Variants in CALN1 observed in about 807,000 individuals in gnomAD.
CALN1 encodes the protein calcium-binding protein 8.
Under a neutral mutation model 30.6 loss-of-function variants are expected in CALN1, and 17 were observed. That is an observed-to-expected ratio of 0.56 (90% CI 0.38 to 0.83). The LOEUF (loss-of-function observed/expected upper bound fraction) is 0.83, where lower values mean the gene tolerates loss of function less well. CALN1 is among the 40% of genes least tolerant of loss of function. CALN1 has a pLI of 0.00. For missense variants in CALN1, 291 were observed against 354.9 expected (o/e 0.82, Z 1.45); for synonymous variants, 156 against 131.4 (o/e 1.19, Z -1.28).
At chr7:72,485,100 T>C in the CALN1 span, among the ~76,000 whole-genome samples, 1 of 152,154 alleles carries the variant, frequency 6.6e-6, no homozygotes, top group Non-Finnish European at 1.5e-5. Flanking sequence ...AAAAAATTTT[T>C]TTTAATTACC....
At chr7:71,803,310 T>C (rs1399952065) in intron 6 of CALN1, among the ~76,000 whole-genome samples, 1 of 152,110 alleles carries the variant, frequency 6.6e-6, no homozygotes, top group African/African-American at 2.4e-5. Context: ...CCAGGTGTGA[T>C]TGATGGAAAG....
intron 1 of CALN1, among the ~76,000 whole-genome samples, chr7:72,409,605 C>T (rs1190175048): frequency 1.3e-5 from 2 of 151,970 alleles, no homozygotes; most frequent in East Asian, 3.9e-4. Context: ...GATTTGATCC[C>T]TTTCAAAGTA....
chr7:72,406,809 T>TTG (rs967902228), intron 1 of CALN1, among the ~76,000 whole-genome samples: 7 of 151,874 alleles, frequency 4.6e-5, no homozygotes, highest in Admixed American at 2.6e-4. Context: ...TAGAGACGGG[T>TTG]TTCACCATCT....
the CALN1 span, among the ~76,000 whole-genome samples, chr7:72,458,874 A>G: frequency 7.2e-6 from 1 of 138,934 alleles, no homozygotes; most frequent in African/African-American, 2.7e-5. Flanking sequence ...ATATTCATAT[A>G]TATATTTGTT....
chr7:72,115,147 C>G (rs954810149), intron 3 of CALN1, among the ~76,000 whole-genome samples: 10 of 144,078 alleles, frequency 6.9e-5, no homozygotes, highest in African/African-American at 2.5e-4. Context: ...GTATAATGTC[C>G]ATGTCCCACA....
intron 3 of CALN1, among the ~76,000 whole-genome samples, chr7:72,263,191 G>A (rs1230564450): frequency 6.6e-6 from 1 of 152,040 alleles, no homozygotes; most frequent in Non-Finnish European, 1.5e-5. Flanking sequence ...CCCATACTGT[G>A]TGTATTTGGC....
chr7:72,417,171 A>C (rs75512198), upstream of CALN1, among the ~76,000 whole-genome samples: 5 of 152,300 alleles, frequency 3.3e-5, no homozygotes, highest in East Asian at 9.7e-4. Flanking sequence ...TTTGAGAAGC[A>C]CCACTGCTGT....
chr7:71,968,558 G>C (rs564392359), intron 5 of CALN1, among the ~76,000 whole-genome samples: 13 of 152,148 alleles, frequency 8.5e-5, no homozygotes, highest in Admixed American at 7.9e-4. Context: ...AGTTTCCCAA[G>C]AGGCTGGGAT....
At chr7:72,295,498 T>A (rs915646958) in intron 2 of CALN1, among the ~76,000 whole-genome samples, 1 of 151,606 alleles carries the variant, frequency 6.6e-6, no homozygotes, top group Non-Finnish European at 1.5e-5. Context: ...CCCATGAGCA[T>A]GGAGTGTTCT....
At chr7:72,116,245 CT>C (rs1456275103) in intron 3 of CALN1, among the ~76,000 whole-genome samples, 1 of 152,266 alleles carries the variant, frequency 6.6e-6, no homozygotes, top group East Asian at 1.9e-4. Flanking sequence ...CCTGAAGGCA[CT>C]TCCTGCTTTT....
intron 6 of CALN1, among the ~76,000 whole-genome samples, chr7:71,802,494 GCT>G (rs1320047515): frequency 1.3e-5 from 2 of 152,150 alleles, no homozygotes; most frequent in Non-Finnish European, 2.9e-5. Context: ...TTGGGGTCTT[GCT>G]CTGTTGCCCA....
intron 5 of CALN1, among the ~76,000 whole-genome samples, chr7:71,883,856 T>C (rs35341095): frequency 0.1 from 15,512 of 152,192 alleles, 1,153 homozygotes; most frequent in East Asian, 0.38. Flanking sequence ...ATACATGGCT[T>C]CTATTTATAT....
chr7:72,433,852 T>C (rs1016552720), intron 1 of CALN1, among the ~76,000 whole-genome samples: 1 of 151,348 alleles, frequency 6.6e-6, no homozygotes, highest in Admixed American at 6.6e-5. Context: ...AGGCCAGGAG[T>C]TCCAGACCAG....
intron 3 of CALN1, among the ~76,000 whole-genome samples, chr7:72,171,532 T>C (rs751615675): frequency 1.2e-4 from 18 of 152,094 alleles, no homozygotes; most frequent in Admixed American, 5.2e-4. Flanking sequence ...GGCTGACAAA[T>C]GAACAAATAA....
At chr7:72,018,933 A>C (rs1407381284) in intron 5 of CALN1, among the ~76,000 whole-genome samples, 1 of 151,994 alleles carries the variant, frequency 6.6e-6, no homozygotes, top group Non-Finnish European at 1.5e-5. Flanking sequence ...ACCTCCCAGA[A>C]TCAGATGATT....
chr7:72,160,595 A>T (rs1337337307), intron 3 of CALN1, among the ~76,000 whole-genome samples: 1 of 152,136 alleles, frequency 6.6e-6, no homozygotes, highest in African/African-American at 2.4e-5. Flanking sequence ...CTTTATTTTT[A>T]TGCAACACTA....
intron 2 of CALN1, among the ~76,000 whole-genome samples, chr7:72,325,910 GCTT>G (rs1233759711): frequency 2.0e-5 from 3 of 152,028 alleles, no homozygotes; most frequent in Non-Finnish European, 4.4e-5. Context: ...TTTTTGGTGG[GCTT>G]TTTTAGAAGA....
At chr7:71,943,639 A>C (rs576639482) in intron 5 of CALN1, among the ~76,000 whole-genome samples, 11 of 151,938 alleles carry the variant, frequency 7.2e-5, no homozygotes, top group Non-Finnish European at 1.2e-4. Flanking sequence ...TGGGGGCTTC[A>C]CCATGTTGGC....
At chr7:72,337,397 GGC>G (rs1230697896) in intron 2 of CALN1, among the ~76,000 whole-genome samples, 8 of 125,908 alleles carry the variant, frequency 6.4e-5, no homozygotes, top group African/African-American at 2.4e-4. Flanking sequence ...GGAACGCCTC[GGC>G]GCGCGCGCAC....
Sources: allele counts gnomAD v4.1 joint callset (sites outside exome capture counted in the v4.1 genomes callset), GRCh38; gene constraint gnomAD v4.1.1; transcripts MANE v1.5; gene names NCBI Gene and HGNC (gene_info 2026-07-23, HGNC 2026-07-21).